The following CDON variants were observed in gnomAD, a reference collection of about 807,000 sequenced individuals.
The protein encoded by CDON is cell adhesion associated, oncogene regulated.
CDON carries 73 observed loss-of-function variants against 120.9 expected under a neutral mutation model. That is an observed-to-expected ratio of 0.60 (90% CI 0.50 to 0.73). CDON has a LOEUF of 0.73. CDON is among the 30% of genes least tolerant of loss of function. The pLI, the probability that CDON is intolerant of heterozygous loss-of-function variation, is 0.00. For missense variants in CDON, 1,470 were observed against 1,587.3 expected, an observed-to-expected ratio of 0.93 and a Z score of 1.26; for synonymous variants, 566 against 573.5, an observed-to-expected ratio of 0.99 and a Z score of 0.19.
intron 18 of CDON, among the ~76,000 whole-genome samples, chr11:125,968,094 AGATACAG>A (rs1945856475): frequency 6.6e-6 from 1 of 152,232 alleles, no homozygotes; most frequent in African/African-American, 2.4e-5. Flanking sequence ...AATAAAATTA[AGATACAG>A]GAAAAAAAAT....
At chr11:125,963,574 G>A (rs1362010550) in intron 18 of CDON, among the ~76,000 whole-genome samples, 1 of 152,146 alleles carries the variant, frequency 6.6e-6, no homozygotes, top group Non-Finnish European at 1.5e-5. Context: ...CAAATCTTAA[G>A]CATGAAGACA....
chr11:125,989,532 T>G, intron 15 of CDON, 105 bp downstream of exon 15: 1 of 1,120,636 alleles, frequency 8.9e-7, no homozygotes, highest in Non-Finnish European at 1.3e-6. Flanking sequence ...TGAGACCGTG[T>G]CTCAAAACAA....
chr11:125,990,354 T>C (rs1255027350), intron 14 of CDON, among the ~76,000 whole-genome samples: 1 of 152,220 alleles, frequency 6.6e-6, no homozygotes, highest in Non-Finnish European at 1.5e-5. Context: ...CTCCTGCTTT[T>C]CTTTTGAGTC....
intron 15 of CDON, 118 bp downstream of exon 15, chr11:125,989,519 G>C: frequency 1.0e-6 from 1 of 957,154 alleles, no homozygotes; most frequent in Non-Finnish European, 1.6e-6. Context: ...CTGGGTGACA[G>C]AGTGAGACCG....
At chr11:125,971,411 T>TAAATA (rs11404576) in intron 18 of CDON, among the ~76,000 whole-genome samples, 49 of 149,030 alleles carry the variant, frequency 3.3e-4, no homozygotes, top group African/African-American at 1.2e-3. Context: ...AATAAATAAA[T>TAAATA]AATAATAATT....
chr11:126,048,780 T>G (rs1456493473), intron 1 of CDON, among the ~76,000 whole-genome samples: 1 of 152,176 alleles, frequency 6.6e-6, no homozygotes, highest in Non-Finnish European at 1.5e-5. Context: ...CTCAGCTCAC[T>G]GCCACCTATG....
chr11:126,025,331 G>C (rs926334302), intron 1 of CDON, among the ~76,000 whole-genome samples: 7 of 152,228 alleles, frequency 4.6e-5, no homozygotes, highest in African/African-American at 1.7e-4. Context: ...GACTACTGAA[G>C]GTCATTGGTG....
chr11:126,037,003 T>C (rs1948117933), intron 1 of CDON, among the ~76,000 whole-genome samples: 1 of 152,204 alleles, frequency 6.6e-6, no homozygotes, highest in Admixed American at 6.5e-5. Context: ...AACTTTATTC[T>C]TTATATAACA....
intron 1 of CDON, among the ~76,000 whole-genome samples, chr11:126,048,703 AT>A (rs1004413222): frequency 4.8e-5 from 5 of 103,396 alleles, no homozygotes; most frequent in South Asian, 2.7e-4. Flanking sequence ...CAATTTAGTT[AT>A]TTTTTTTTTC....
At chr11:126,000,233 G>C (rs1361099505) in intron 11 of CDON, among the ~76,000 whole-genome samples, 2 of 152,022 alleles carry the variant, frequency 1.3e-5, no homozygotes, top group African/African-American at 4.8e-5. Flanking sequence ...ATAGAAACAG[G>C]ATCTCACTCT....
chr11:125,992,448 C>T (rs893163724), intron 14 of CDON, among the ~76,000 whole-genome samples: 1 of 152,142 alleles, frequency 6.6e-6, no homozygotes, highest in South Asian at 2.1e-4. Context: ...GCTCATGGTA[C>T]CCATATCTAA....
chr11:125,968,346 T>G (rs1427532765), intron 18 of CDON, among the ~76,000 whole-genome samples: 6 of 152,232 alleles, frequency 3.9e-5, no homozygotes, highest in Non-Finnish European at 7.3e-5. Flanking sequence ...GAATGAGATT[T>G]TTTAATGAAG....
At chr11:125,973,805 T>C (rs1190426366) in intron 18 of CDON, among the ~76,000 whole-genome samples, 1 of 152,236 alleles carries the variant, frequency 6.6e-6, no homozygotes, top group Admixed American at 6.5e-5. Context: ...AAATGCCACT[T>C]GCTTACAGAG....
chr11:125,988,207 A>G (rs1347535857), intron 15 of CDON, among the ~76,000 whole-genome samples: 1 of 152,060 alleles, frequency 6.6e-6, no homozygotes, highest in Non-Finnish European at 1.5e-5. Context: ...TGGTGGGAAG[A>G]TCTAGTAGAG....
At chr11:126,058,321 G>C (rs546337100) in intron 1 of CDON, among the ~76,000 whole-genome samples, 4 of 152,150 alleles carry the variant, frequency 2.6e-5, no homozygotes, top group African/African-American at 9.6e-5. Flanking sequence ...ATTCTCTCTG[G>C]CCATCAAAAT....
At chr11:126,018,140 T>G (rs1947524811) in intron 5 of CDON, among the ~76,000 whole-genome samples, 190 bp downstream of exon 5, 1 of 152,142 alleles carries the variant, frequency 6.6e-6, no homozygotes, top group Non-Finnish European at 1.5e-5. Context: ...CCTCAGGTGA[T>G]CCACCTGCCT....
chr11:125,991,669 C>T (rs1249576263), intron 14 of CDON, among the ~76,000 whole-genome samples: 10 of 150,758 alleles, frequency 6.6e-5, no homozygotes, highest in Non-Finnish European at 1.5e-4. Flanking sequence ...AAAAAAAAAA[C>T]TTTAAGTACA....
chr11:126,016,977 G>C (rs1947486650), intron 6 of CDON, 111 bp downstream of exon 6: 3 of 875,514 alleles, frequency 3.4e-6, no homozygotes, highest in Non-Finnish European at 3.5e-6. Context: ...CTAGGGTATA[G>C]ATAGTTCTAG....
At chr11:126,060,040 A>G (rs913898647) in intron 1 of CDON, among the ~76,000 whole-genome samples, 2 of 152,200 alleles carry the variant, frequency 1.3e-5, no homozygotes, top group Non-Finnish European at 2.9e-5. Flanking sequence ...AACAAAAAAG[A>G]ATCAAGTAAA....
Sources: gnomAD v4.1 joint callset for allele counts (sites outside exome capture counted in the v4.1 genomes callset) on GRCh38, gnomAD v4.1.1 for gene constraint, MANE v1.5 for transcripts, NCBI Gene and HGNC (gene_info 2026-07-23, HGNC 2026-07-21) for gene names.